Variants in VPS50 observed in about 807,000 individuals in gnomAD.
VPS50 encodes the protein VPS50 subunit of EARP/GARPII complex.
Under a neutral mutation model 139.7 loss-of-function variants are expected in VPS50, and 70 were observed. That is an observed-to-expected ratio of 0.50 (90% CI 0.41 to 0.61). The LOEUF is 0.61. Ranked by LOEUF, VPS50 falls within the 20% of genes least tolerant of loss-of-function variation. VPS50 has a pLI of 0.00. For missense variants in VPS50, 921 were observed against 1,133.7 expected (o/e 0.81, Z 2.69); for synonymous variants, 365 against 376.7 (o/e 0.97, Z 0.36).
At chr7:93,253,832 CTCT>C (rs1340901830) in intron 3 of VPS50, 25 bp from the exon 4 acceptor site, 3 of 1,334,088 alleles carry the variant, frequency 2.2e-6, no homozygotes, top group Non-Finnish European at 2.1e-6. Flanking sequence ...TTATTTTTTC[CTCT>C]TCTTTCATGA....
At chr7:93,296,189 A>G (rs1796804360) in intron 14 of VPS50, among the ~76,000 whole-genome samples, 2 of 152,110 alleles carry the variant, frequency 1.3e-5, no homozygotes, top group Admixed American at 6.6e-5. Context: ...TTTAGTATTT[A>G]AAATTTATTT....
intron 12 of VPS50, among the ~76,000 whole-genome samples, chr7:93,287,063 G>A (rs1014459312): frequency 7.1e-6 from 1 of 141,338 alleles, no homozygotes; most frequent in Non-Finnish European, 1.5e-5. Flanking sequence ...TATTGTATAT[G>A]TATTTAATAA....
chr7:93,277,225 G>A (rs1406930148), intron 12 of VPS50, among the ~76,000 whole-genome samples: 2 of 152,120 alleles, frequency 1.3e-5, no homozygotes, highest in African/African-American at 4.8e-5. Context: ...CATGAAGAAG[G>A]AAGCATTTCA....
At chr7:93,238,878 T>C (rs1480181326) in intron 1 of VPS50, among the ~76,000 whole-genome samples, 1 of 151,902 alleles carries the variant, frequency 6.6e-6, no homozygotes, top group Non-Finnish European at 1.5e-5. Context: ...GAAGGGTGGG[T>C]AGGTTAGATA....
intron 26 of VPS50, among the ~76,000 whole-genome samples, chr7:93,355,281 A>G (rs1798674197): frequency 1.3e-5 from 2 of 152,094 alleles, no homozygotes; most frequent in African/African-American, 4.8e-5. Context: ...AAAGTGTTGT[A>G]TTGTTAGGGT....
chr7:93,308,770 C>T, intron 18 of VPS50, 54 bp from the exon 19 acceptor site: 2 of 858,858 alleles, frequency 2.3e-6, no homozygotes, highest in East Asian at 2.5e-5. Flanking sequence ...GTTGAGACAC[C>T]CCACGAAAAG....
chr7:93,233,263 A>G (rs989654161), intron 1 of VPS50, among the ~76,000 whole-genome samples: 1 of 152,166 alleles, frequency 6.6e-6, no homozygotes, highest in Non-Finnish European at 1.5e-5. Flanking sequence ...ATTGATTATG[A>G]CTTTGTTTTA....
At chr7:93,271,183 AG>A in intron 9 of VPS50, 36 bp from the exon 10 acceptor site, 1 of 1,555,934 alleles carries the variant, frequency 6.4e-7, no homozygotes, top group Non-Finnish European at 8.6e-7. Context: ...AGTTTGTCTC[AG>A]AAATAGAAAA....
intron 2 of VPS50, among the ~76,000 whole-genome samples, chr7:93,247,592 G>C (rs1584383889): frequency 6.6e-6 from 1 of 151,816 alleles, no homozygotes; most frequent in East Asian, 1.9e-4. Flanking sequence ...CATTCTGTTT[G>C]CATCACCCTC....
intron 12 of VPS50, among the ~76,000 whole-genome samples, chr7:93,277,354 A>G (rs1796188624): frequency 6.6e-6 from 1 of 152,230 alleles, no homozygotes; most frequent in African/African-American, 2.4e-5. Flanking sequence ...CCTTTAGCCT[A>G]AGAATGCGCT....
chr7:93,341,144 A>G (rs554010648), intron 22 of VPS50, among the ~76,000 whole-genome samples: 1 of 152,288 alleles, frequency 6.6e-6, no homozygotes. Flanking sequence ...TCACTGTGAA[A>G]CATCTGTCAA....
intron 2 of VPS50, among the ~76,000 whole-genome samples, chr7:93,245,679 CCT>C (rs1795129220): frequency 6.6e-6 from 1 of 151,730 alleles, no homozygotes; most frequent in East Asian, 1.9e-4. Context: ...TTGCCCAAAA[CCT>C]CTTTTTAAAT....
chr7:93,283,551 A>T (rs1796393295), intron 12 of VPS50, among the ~76,000 whole-genome samples: 1 of 151,896 alleles, frequency 6.6e-6, no homozygotes, highest in South Asian at 2.1e-4. Flanking sequence ...AGCTTTTCTT[A>T]CTCAGTCGTC....
intron 1 of VPS50, among the ~76,000 whole-genome samples, chr7:93,235,748 GT>G (rs1794779762): frequency 6.6e-6 from 1 of 152,192 alleles, no homozygotes; most frequent in Admixed American, 6.5e-5. Flanking sequence ...TTTTGGACTT[GT>G]TAATTTGAAA....
At chr7:93,346,155 A>G (rs1427778446) in intron 23 of VPS50, among the ~76,000 whole-genome samples, 15 of 152,232 alleles carry the variant, frequency 9.9e-5, no homozygotes, top group Admixed American at 9.8e-4. Flanking sequence ...TCAATGTACA[A>G]AAATCACAAG....
intron 12 of VPS50, among the ~76,000 whole-genome samples, chr7:93,280,087 C>A (rs1004044694): frequency 6.6e-6 from 1 of 152,268 alleles, no homozygotes; most frequent in East Asian, 1.9e-4. Flanking sequence ...AGGCCAGCAG[C>A]ATCCCTTCCC....
intron 13 of VPS50, among the ~76,000 whole-genome samples, chr7:93,292,195 A>T (rs920164486): frequency 3.3e-5 from 5 of 152,228 alleles, no homozygotes; most frequent in Non-Finnish European, 7.4e-5. Context: ...GGTCAATATT[A>T]ATCTATTTAG....
intron 12 of VPS50, among the ~76,000 whole-genome samples, chr7:93,288,012 G>T: frequency 6.6e-6 from 1 of 152,036 alleles, no homozygotes; most frequent in Non-Finnish European, 1.5e-5. Context: ...ACATGACTGG[G>T]GAGGCCTTAC....
intron 18 of VPS50, 66 bp downstream of exon 18, chr7:93,306,070 G>A (rs1280827004): frequency 1.2e-5 from 14 of 1,171,628 alleles, no homozygotes; most frequent in Non-Finnish European, 1.6e-5. Context: ...CAATGAACAA[G>A]GCAATTCACT....
Sources: gnomAD v4.1 joint callset for allele counts (sites outside exome capture counted in the v4.1 genomes callset) on GRCh38, gnomAD v4.1.1 for gene constraint, MANE v1.5 for transcripts, NCBI Gene and HGNC (gene_info 2026-07-23, HGNC 2026-07-21) for gene names.